The following SRGAP1 variants were observed in gnomAD, a reference collection of about 807,000 sequenced individuals.
The protein encoded by SRGAP1 is SLIT-ROBO Rho GTPase activating protein 1.
Under a neutral mutation model 121.9 loss-of-function variants are expected in SRGAP1, and 43 were observed. That is an observed-to-expected ratio of 0.35 (90% confidence interval 0.28 to 0.46). SRGAP1 has a LOEUF of 0.46. SRGAP1 is among the 20% of genes least tolerant of loss of function. SRGAP1 has a pLI of 1.00. For missense variants in SRGAP1, 1,102 were observed against 1,350.9 expected (o/e 0.82, Z 2.89); for synonymous variants, 447 against 485.4 (o/e 0.92, Z 1.04).
At chr12:64,112,008 C>G in intron 17 of SRGAP1, 22 bp downstream of exon 17, 1 of 1,578,826 alleles carries the variant, frequency 6.3e-7, no homozygotes, top group Non-Finnish European at 8.7e-7. Flanking sequence ...AATTTTAGTC[C>G]TCCTCTCCCA....
At chr12:63,987,519 T>G (rs1454362487) in intron 2 of SRGAP1, among the ~76,000 whole-genome samples, 2 of 151,988 alleles carry the variant, frequency 1.3e-5, no homozygotes, top group Non-Finnish European at 2.9e-5. Context: ...GGTCAGGAGT[T>G]CAAGACCAGC....
intron 4 of SRGAP1, among the ~76,000 whole-genome samples, chr12:64,020,143 A>G (rs531050337): frequency 2.8e-4 from 43 of 152,346 alleles, no homozygotes; most frequent in African/African-American, 9.9e-4. Flanking sequence ...CAAACATTTT[A>G]TCAGAAGGCT....
At chr12:63,963,820 G>A (rs2079443904) in intron 1 of SRGAP1, among the ~76,000 whole-genome samples, 1 of 152,042 alleles carries the variant, frequency 6.6e-6, no homozygotes, top group Admixed American at 6.6e-5. Flanking sequence ...GAAGATAATA[G>A]TATTCAGTAT....
At chr12:63,968,278 A>G in intron 1 of SRGAP1, among the ~76,000 whole-genome samples, 1 of 152,236 alleles carries the variant, frequency 6.6e-6, no homozygotes, top group East Asian at 1.9e-4. Context: ...AAAATCTGGC[A>G]CAAGAATATG....
chr12:63,856,058 G>T (rs1899237191), intron 1 of SRGAP1, among the ~76,000 whole-genome samples: 1 of 151,982 alleles, frequency 6.6e-6, no homozygotes. Flanking sequence ...AGGAATTTGA[G>T]ATCAGCCTGG....
intron 6 of SRGAP1, among the ~76,000 whole-genome samples, chr12:64,062,156 GCTCC>G (rs1320732710): frequency 4.6e-5 from 7 of 152,100 alleles, no homozygotes; most frequent in African/African-American, 1.7e-4. Context: ...GTGTATGAGG[GCTCC>G]AATTTCTCCA....
chr12:63,845,775 G>C (rs1898884040), intron 1 of SRGAP1, among the ~76,000 whole-genome samples: 1 of 152,108 alleles, frequency 6.6e-6, no homozygotes, highest in Non-Finnish European at 1.5e-5. Flanking sequence ...CTCAGGAGTA[G>C]CTTTCCTGAT....
chr12:63,887,636 T>C (rs1456605879), intron 1 of SRGAP1: 1 of 152,190 alleles, frequency 6.6e-6, no homozygotes, highest in African/African-American at 2.4e-5. Flanking sequence ...GAATGGCTGT[T>C]TGAATTGTCT....
At chr12:64,055,093 T>A (rs958066993) in intron 6 of SRGAP1, among the ~76,000 whole-genome samples, 2 of 151,290 alleles carry the variant, frequency 1.3e-5, no homozygotes, top group African/African-American at 4.9e-5. Context: ...TGATTGTATA[T>A]CTAGAAAACC....
rs114562136 is a variant in SRGAP1 at position 64,049,846 on chromosome 12, T to C, written c.801+6271T>C. ...AGTGTGATTCCTCAAGTGTTTTTCT[T>C]TTTGCTCAGGATGGCTTTGGCTACT... On this transcript the variant is annotated intron_variant, in intron 6 of 21. Transcript: ENST00000355086. Among the ~76,000 whole-genome samples the C allele has an allele frequency of 3.2e-3, 488 of 152,310 alleles. 1 individual carries two copies. The highest frequency in any genetic ancestry group is 0.011 in the African/African-American group (464 of 41,570).
intron 17 of SRGAP1, among the ~76,000 whole-genome samples, chr12:64,113,065 C>T (rs1446922251): frequency 6.6e-6 from 1 of 151,562 alleles, no homozygotes; most frequent in Non-Finnish European, 1.5e-5. Flanking sequence ...CTGATCACAC[C>T]ACTGCATTCC....
At chr12:63,917,994 G>C (rs530676415) in intron 1 of SRGAP1, among the ~76,000 whole-genome samples, 1 of 152,312 alleles carries the variant, frequency 6.6e-6, no homozygotes, top group South Asian at 2.1e-4. Flanking sequence ...TGGAAGTTTG[G>C]TGGCTACAAG....
intron 6 of SRGAP1, among the ~76,000 whole-genome samples, chr12:64,050,608 C>T (rs1332807683): frequency 6.6e-6 from 1 of 152,146 alleles, no homozygotes; most frequent in Non-Finnish European, 1.5e-5. Context: ...ATTTGTGACC[C>T]CAAGGAATGT....
At chr12:63,949,417 A>G (rs2032213990) in intron 1 of SRGAP1, among the ~76,000 whole-genome samples, 1 of 114,372 alleles carries the variant, frequency 8.7e-6, no homozygotes, top group Admixed American at 9.4e-5. Context: ...TATTATTATT[A>G]TTATTATTAT....
chr12:63,941,221 G>A (rs564458312), intron 1 of SRGAP1, among the ~76,000 whole-genome samples: 27 of 151,434 alleles, frequency 1.8e-4, no homozygotes, highest in African/African-American at 3.6e-4. Flanking sequence ...TACTGTTTGC[G>A]CTTTTGCAGT....
At chr12:63,872,862 A>C (rs957774100) in intron 1 of SRGAP1, among the ~76,000 whole-genome samples, 2 of 152,212 alleles carry the variant, frequency 1.3e-5, no homozygotes, top group African/African-American at 4.8e-5. Context: ...ATCTTAATTT[A>C]TGGGAATATT....
chr12:64,109,173 C>G (rs542572137), intron 16 of SRGAP1, 136 bp downstream of exon 16: 1 of 489,450 alleles, frequency 2.0e-6, no homozygotes, highest in African/African-American at 2.0e-5. Flanking sequence ...GAAAAATGTA[C>G]TGAAGGTACA....
At chr12:64,087,128 C>T (rs780042580) in intron 11 of SRGAP1, 102 bp downstream of exon 11, 19 of 885,572 alleles carry the variant, frequency 2.1e-5, no homozygotes, top group East Asian at 1.1e-4. Flanking sequence ...TTAATGAATA[C>T]GGGAGATAGT....
chr12:63,862,802 C>G (rs1460429795), intron 1 of SRGAP1, among the ~76,000 whole-genome samples: 4 of 152,152 alleles, frequency 2.6e-5, no homozygotes, highest in Non-Finnish European at 5.9e-5. Flanking sequence ...ATGGCTTTAT[C>G]CTTCTGCTCA....
Sources: allele counts gnomAD v4.1 joint callset (sites outside exome capture counted in the v4.1 genomes callset), GRCh38; gene constraint gnomAD v4.1.1; transcripts MANE v1.5; gene names NCBI Gene and HGNC (gene_info 2026-07-23, HGNC 2026-07-21).